MAP4: variants seen among roughly 807,000 people sequenced by gnomAD.
MAP4 encodes microtubule-associated protein 4.
In MAP4, 76 loss-of-function variants were observed where a neutral mutation model predicts 170.2. The ratio of observed to expected loss-of-function variants is 0.45; its 90% CI spans 0.37 to 0.54. The LOEUF (loss-of-function observed/expected upper bound fraction) is 0.54. Among genes scored for constraint, MAP4 ranks in the 20% least tolerant of loss-of-function variants. The pLI is 0.00. For missense variants in MAP4, 2,506 were observed against 2,748.0 expected, an observed-to-expected ratio of 0.91 and a Z score of 1.97; for synonymous variants, 909 against 994.5, an observed-to-expected ratio of 0.91 and a Z score of 1.62.
At chr3:48,072,995 C>A (rs1412785922) in intron 1 of MAP4, among the ~76,000 whole-genome samples, 1 of 152,026 alleles carries the variant, frequency 6.6e-6, no homozygotes, top group African/African-American at 2.4e-5. Context: ...CTTTGGGAGG[C>A]TGAAGCTGGT....
At position 48,084,386 on chromosome 3, in the gene MAP4, T is replaced by TAAAA. The variant is rs548681084; in HGVS notation, c.-20+4383_-20+4386dup. Among the ~76,000 whole-genome samples the TAAAA allele has an allele frequency of 8.6e-5, 9 of 104,396 alleles. No individual in the cohort carries two copies. The South Asian group carries it at 2.2e-3, about 25-fold the overall frequency. 68.5% of individuals were successfully genotyped at this position (104,396 alleles called of 152,430 possible). On this transcript the variant is annotated intron_variant, in intron 1 of 18. Transcript: ENST00000360240. Reference sequence around the variant, plus strand: ...TGCTGACAGAACATGATCTCATCTCTAAAAAAAAAAAAAAAAAAGGAAAAA... The same window carrying TAAAA: ...TGCTGACAGAACATGATCTCATCTCTAAAAAAAAAAAAAAAAAAAAAAGGAAAAA...
chr3:48,084,409 A>G (rs2100148064), intron 1 of MAP4, among the ~76,000 whole-genome samples: 1 of 151,680 alleles, frequency 6.6e-6, no homozygotes, highest in South Asian at 2.1e-4. Context: ...AAAAAAGGAA[A>G]AAGAATCACG....
chr3:48,081,681 T>C (rs571013926), intron 1 of MAP4, among the ~76,000 whole-genome samples: 53 of 152,288 alleles, frequency 3.5e-4, no homozygotes, highest in Non-Finnish European at 6.0e-4. Context: ...TTTATATTTA[T>C]ATACAGACAG....
At chr3:47,867,588 G>C (rs927803679) in intron 16 of MAP4, among the ~76,000 whole-genome samples, 9 of 152,244 alleles carry the variant, frequency 5.9e-5, no homozygotes, top group Non-Finnish European at 1.3e-4. Context: ...ACTGCATGTT[G>C]GTCATCACCG....
intron 10 of MAP4, among the ~76,000 whole-genome samples, chr3:47,879,926 A>T (rs1455865308): frequency 6.6e-6 from 1 of 152,232 alleles, no homozygotes; most frequent in Non-Finnish European, 1.5e-5. Flanking sequence ...GATAGAAAGT[A>T]TTCACTTATT....
intron 5 of MAP4, among the ~76,000 whole-genome samples, chr3:47,920,032 A>G (rs2100041914): frequency 6.6e-6 from 1 of 152,106 alleles, no homozygotes; most frequent in Non-Finnish European, 1.5e-5. Context: ...GTGCAATGGC[A>G]CAATCTCAGC....
rs768878156 is a variant in MAP4 at position 47,870,957 on chromosome 3, G to A, written c.6150C>T (p.Asp2050=). The change falls in exon 15 of 21, where the codon GAC becomes GAT. Residue 2050 remains aspartate, a synonymous_variant. Transcript: ENST00000683076. ...PSRPSTTPFI[D]KKPTSAKPSS... ...TGGGTTTGGCCGAGGTGGGCTTCTT[G>A]TCTATGAAAGGAGTTGTGGAGGGCC... The A allele has an allele frequency of 6.2e-7, 1 of 1,614,126 alleles. No individual in the cohort carries two copies. The highest frequency in any genetic ancestry group is 2.2e-5 in the East Asian group (1 of 44,886).
At chr3:48,069,583 A>G (rs891934131) in intron 1 of MAP4, among the ~76,000 whole-genome samples, 1 of 152,220 alleles carries the variant, frequency 6.6e-6, no homozygotes, top group Non-Finnish European at 1.5e-5. Context: ...CTGGCTGATG[A>G]AATAGGCTGA....
chr3:47,897,361 A>T (rs1214421803), intron 10 of MAP4, among the ~76,000 whole-genome samples: 4 of 152,096 alleles, frequency 2.6e-5, no homozygotes, highest in African/African-American at 9.7e-5. Flanking sequence ...TTCTGACCTC[A>T]GGTGATCTGC....
Position 47,869,723 on chromosome 3 carries a change from A to C in MAP4, c.6295-396T>G, listed in dbSNP as rs567989097. 2.6e-5 allele frequency among the ~76,000 whole-genome samples: 4 copies of C among 152,278 alleles called. No individual in the cohort carries two copies. The South Asian group carries it at 8.3e-4, about 32-fold the overall frequency. ...CCAAGCAGCTGCCACGGTCACAGGA[A>C]GTCAATACTGATAGAAAGTGTCAGA... On this transcript the variant is annotated intron_variant, in intron 15 of 20. Coordinates refer to ENST00000683076, the MANE Select transcript of MAP4 (RefSeq NM_001385682.1).
chr3:48,056,506 C>CCG (rs2100131777), intron 1 of MAP4, among the ~76,000 whole-genome samples: 1 of 46,734 alleles, frequency 2.1e-5, no homozygotes, highest in Admixed American at 1.6e-4. Context: ...TCAGCCCTCC[C>CCG]CCCGGCCAGC....
At chr3:47,874,492 G>A (rs574341543) in intron 12 of MAP4, among the ~76,000 whole-genome samples, 1 of 152,048 alleles carries the variant, frequency 6.6e-6, no homozygotes, top group South Asian at 2.1e-4. Flanking sequence ...TTAAAAAAAA[G>A]TTCATGTATA....
chr3:48,081,299 A>C (rs2100146567), intron 1 of MAP4, among the ~76,000 whole-genome samples: 1 of 151,706 alleles, frequency 6.6e-6, no homozygotes, highest in African/African-American at 2.4e-5. Flanking sequence ...AAAAAAATAA[A>C]TAAATAAAAT....
rs552393230 is a variant in MAP4, at chr3:47,874,421, A to G, written c.5757+1264T>C. 3.3e-5 allele frequency among the ~76,000 whole-genome samples: 5 copies of G among 152,284 alleles called. No individual in the cohort carries two copies. In the East Asian group the frequency reaches 5.8e-4, roughly 18 times the overall value. ...GAGGTGGAGGTTGCAATGAGCCCAG[A>G]TTGTGCCACTGCACTCCAGCCTGGG... is the stretch of plus-strand genomic sequence containing the variant. On this transcript the variant is annotated intron_variant, in intron 12 of 20. Transcript: ENST00000683076.
chr3:47,957,206 C>T (rs1166871940), intron 3 of MAP4, among the ~76,000 whole-genome samples: 2 of 152,144 alleles, frequency 1.3e-5, no homozygotes, highest in African/African-American at 4.8e-5. Flanking sequence ...CTCCCTCTGT[C>T]GCCCAGTCTG....
chr3:47,900,370 AACAG>A (rs1312717043), intron 10 of MAP4, among the ~76,000 whole-genome samples: 2 of 152,222 alleles, frequency 1.3e-5, no homozygotes, highest in Non-Finnish European at 2.9e-5. Flanking sequence ...ATGAGAAGCA[AACAG>A]ACAGAATGAA....
chr3:47,899,231 G>T (rs1045619356), intron 10 of MAP4, among the ~76,000 whole-genome samples: 10 of 152,156 alleles, frequency 6.6e-5, no homozygotes, highest in Non-Finnish European at 1.5e-4. Context: ...CTGCCACTGG[G>T]ATTCCTTGTC....
At chr3:47,949,447 C>G (rs2100062218) in intron 3 of MAP4, among the ~76,000 whole-genome samples, 1 of 114,590 alleles carries the variant, frequency 8.7e-6, no homozygotes, top group Non-Finnish European at 1.6e-5. Context: ...ACCTGGGCAA[C>G]AGAGCAAGAC....
intron 9 of MAP4, among the ~76,000 whole-genome samples, chr3:47,905,820 C>T (rs558802128): frequency 2.6e-5 from 4 of 151,864 alleles, no homozygotes; most frequent in African/African-American, 9.7e-5. Flanking sequence ...ATAGTGAAAC[C>T]CAGCTCTACT....
Sources: allele counts gnomAD v4.1 joint callset (sites outside exome capture counted in the v4.1 genomes callset), GRCh38; gene constraint gnomAD v4.1.1; transcripts MANE v1.5; gene names NCBI Gene and HGNC (gene_info 2026-07-23, HGNC 2026-07-21).